The following ZFHX4 variants were observed in gnomAD, a reference collection of about 807,000 sequenced individuals.
ZFHX4 encodes the protein zinc finger homeobox protein 4.
In ZFHX4, 56 loss-of-function variants were observed where a neutral mutation model predicts 267.6. The ratio of observed to expected loss-of-function variants is 0.21; its 90% CI spans 0.17 to 0.26. ZFHX4 has a LOEUF of 0.26. ZFHX4 is among the 10% of genes least tolerant of loss of function. ZFHX4 has a pLI of 1.00. For missense variants in ZFHX4, 4,332 were observed against 4,420.0 expected (o/e 0.98, Z 0.56); for synonymous variants, 1,778 against 1,665.6 (o/e 1.07, Z -1.64).
At chr8:76,766,290 G>A (rs1488884709) in intron 3 of ZFHX4, among the ~76,000 whole-genome samples, 1 of 151,998 alleles carries the variant, frequency 6.6e-6, no homozygotes, top group African/African-American at 2.4e-5. Flanking sequence ...TAGCAAATAG[G>A]GTTTTCTTCC....
chr8:76,844,006 C>T (rs1008591378), intron 6 of ZFHX4, among the ~76,000 whole-genome samples: 1 of 152,012 alleles, frequency 6.6e-6, no homozygotes, highest in Non-Finnish European at 1.5e-5. Context: ...TCTAATTTGA[C>T]TTAAACAAAG....
chr8:76,817,236 GA>G (rs200585661), intron 4 of ZFHX4, among the ~76,000 whole-genome samples: 7 of 150,664 alleles, frequency 4.6e-5, no homozygotes, highest in Admixed American at 6.6e-5. Context: ...CCCTTTTAAA[GA>G]AAAAAAAATG....
At chr8:76,738,940 C>T (rs1585897149) in intron 3 of ZFHX4, among the ~76,000 whole-genome samples, 1 of 152,134 alleles carries the variant, frequency 6.6e-6, no homozygotes, top group East Asian at 1.9e-4. Context: ...GTCTCAAACT[C>T]CTGGGCTCAA....
chr8:76,800,436 A>C (rs1811089871), intron 4 of ZFHX4, among the ~76,000 whole-genome samples: 1 of 152,172 alleles, frequency 6.6e-6, no homozygotes, highest in African/African-American at 2.4e-5. Context: ...GGTTCATTAC[A>C]AAATCGGTTT....
intron 3 of ZFHX4, among the ~76,000 whole-genome samples, chr8:76,759,777 C>T (rs563716770): frequency 1.3e-3 from 192 of 152,104 alleles, no homozygotes; most frequent in African/African-American, 4.5e-3. Flanking sequence ...TTAATATTTA[C>T]CAAGAGTAGA....
chr8:76,756,896 A>G (rs764644987), intron 3 of ZFHX4, among the ~76,000 whole-genome samples: 109 of 152,204 alleles, frequency 7.2e-4, no homozygotes, highest in Non-Finnish European at 9.4e-4. Context: ...TTTTTAAAAA[A>G]GGTTATTGTG....
At chr8:76,808,109 CTG>C (rs1202504416) in intron 4 of ZFHX4, among the ~76,000 whole-genome samples, 1 of 152,034 alleles carries the variant, frequency 6.6e-6, no homozygotes, top group Non-Finnish European at 1.5e-5. Flanking sequence ...ATTCCATAAA[CTG>C]TTATTTTTAG....
At chr8:76,845,967 C>A (rs1812354669) in intron 6 of ZFHX4, among the ~76,000 whole-genome samples, 1 of 151,852 alleles carries the variant, frequency 6.6e-6, no homozygotes, top group Non-Finnish European at 1.5e-5. Context: ...TTAAAATTTT[C>A]TGATCTAGGG....
At chr8:76,731,807 G>A (rs544415559) in intron 3 of ZFHX4, among the ~76,000 whole-genome samples, 2 of 151,112 alleles carry the variant, frequency 1.3e-5, no homozygotes, top group Non-Finnish European at 2.9e-5. Context: ...TCTTTATAAT[G>A]CGATATGATA....
intron 10 of ZFHX4, among the ~76,000 whole-genome samples, chr8:76,857,354 T>TTATATATATATATA (rs10576780): frequency 2.8e-5 from 4 of 143,430 alleles, no homozygotes; most frequent in Non-Finnish European, 6.1e-5. Context: ...TTCACTAATT[T>TTATATATATATATA]TATATATATA....
chr8:76,755,828 T>C (rs1374896552), intron 3 of ZFHX4, among the ~76,000 whole-genome samples: 1 of 152,122 alleles, frequency 6.6e-6, no homozygotes, highest in East Asian at 1.9e-4. Flanking sequence ...TCTTACAGTG[T>C]ATGTGGTTAA....
intron 1 of ZFHX4, among the ~76,000 whole-genome samples, chr8:76,682,062 T>A (rs549299431): frequency 2.0e-5 from 3 of 152,284 alleles, no homozygotes; most frequent in Admixed American, 2.0e-4. Context: ...TTCTAGTGGC[T>A]GGGGGAAGCT....
At chr8:76,809,174 G>A (rs1365686599) in intron 4 of ZFHX4, among the ~76,000 whole-genome samples, 1 of 152,080 alleles carries the variant, frequency 6.6e-6, no homozygotes, top group Non-Finnish European at 1.5e-5. Context: ...TTGGAATATA[G>A]TCTTTAGTAC....
At position 76,863,380 on chromosome 8, in the gene ZFHX4, C is replaced by A. The variant is rs888802519; in HGVS notation, c.9666C>A (p.Ile3222=). The change falls in exon 11 of 11, where the codon ATC becomes ATA. Residue 3222 remains isoleucine (I), a synonymous_variant. Transcript: ENST00000651372. ...PEKHPKKEEK[I]SSALSVLGKV... ...AACACCCCAAAAAAGAGGAAAAAAT[C>A]TCATCTGCTCTTTCAGTGTTGGGCA... 5.0e-6 allele frequency: 8 copies of A among 1,613,808 alleles called. No individual in the cohort carries two copies. Among genetic ancestry groups the A allele is most frequent in the Non-Finnish European group, 5.9e-6 (7 of 1,179,864 alleles).
At chr8:76,717,075 C>A (rs923032281) in intron 3 of ZFHX4, among the ~76,000 whole-genome samples, 5 of 152,182 alleles carry the variant, frequency 3.3e-5, no homozygotes, top group African/African-American at 1.2e-4. Flanking sequence ...ACAATCTACT[C>A]ACTGCCTAGA....
chr8:76,790,400 T>C (rs150869800), intron 4 of ZFHX4, among the ~76,000 whole-genome samples: 1 of 152,228 alleles, frequency 6.6e-6, no homozygotes, highest in African/African-American at 2.4e-5. Context: ...TCAACATGAC[T>C]CTTGTATGCT....
Position 76,834,924 on chromosome 8 carries a change from G to A in ZFHX4, c.3394+1518G>A, listed in dbSNP as rs138883954. On this transcript the variant is annotated intron_variant, in intron 5 of 10. Transcript: ENST00000651372. ...CCCATTTTGAGTGAATGTTTCTGAA[G>A]GATATAAGGTTTGTGTCTGGACTCT... Among the ~76,000 whole-genome samples the A allele has an allele frequency of 8.1e-3, 1,223 of 151,390 alleles. 14 individuals are homozygous for A. Among genetic ancestry groups the A allele is most frequent in the African/African-American group, 0.028 (1,143 of 41,388 alleles).
chr8:76,769,677 G>A (rs1810208571), intron 3 of ZFHX4, among the ~76,000 whole-genome samples: 1 of 152,098 alleles, frequency 6.6e-6, no homozygotes, highest in South Asian at 2.1e-4. Context: ...TTTCTATTGG[G>A]ACAATTTCAC....
At chr8:76,820,941 T>C (rs1811633210) in intron 4 of ZFHX4, among the ~76,000 whole-genome samples, 1 of 152,160 alleles carries the variant, frequency 6.6e-6, no homozygotes, top group African/African-American at 2.4e-5. Context: ...CTGAACCTCT[T>C]TTTTAGTCCC....
Sources: gnomAD v4.1 joint callset for allele counts (sites outside exome capture counted in the v4.1 genomes callset) on GRCh38, gnomAD v4.1.1 for gene constraint, MANE v1.5 for transcripts, NCBI Gene and HGNC (gene_info 2026-07-23, HGNC 2026-07-21) for gene names.